The following TTC34 variants were observed in gnomAD, a reference collection of about 807,000 sequenced individuals.
TTC34 encodes tetratricopeptide repeat protein 34.
TTC34 carries 44 observed loss-of-function variants against 40.7 expected under a neutral mutation model. The observed-to-expected ratio is 1.08, with a 90% CI of 0.85 to 1.39. The LOEUF (loss-of-function observed/expected upper bound fraction) is 1.39. Among genes scored for constraint, TTC34 ranks in the 40% most tolerant of loss-of-function variants. The pLI is 0.00. For synonymous variants in TTC34, 422 were observed against 398.6 expected (o/e 1.06, Z -0.70); for missense variants, 884 against 838.0 (o/e 1.05, Z -0.68).
chr1:2,759,428 G>T, intron 6 of TTC34, among the ~76,000 whole-genome samples: 1 of 86,528 alleles, frequency 1.2e-5, no homozygotes, highest in East Asian at 4.2e-4. Flanking sequence ...GCCTGGATCA[G>T]CACCCACACT....
At chr1:2,694,194 GGTGA>G (rs1640756800) in intron 6 of TTC34, among the ~76,000 whole-genome samples, 1 of 141,028 alleles carries the variant, frequency 7.1e-6, no homozygotes, top group Non-Finnish European at 1.6e-5. Flanking sequence ...CACACCCCCA[GGTGA>G]GCATGTGACA....
chr1:2,688,136 G>T (rs1223754848), intron 6 of TTC34, among the ~76,000 whole-genome samples: 577 of 130,606 alleles, frequency 4.4e-3, no homozygotes, highest in African/African-American at 0.011. Context: ...ACCCCCAGGC[G>T]AGCATCTGAC....
intron 6 of TTC34, among the ~76,000 whole-genome samples, chr1:2,675,492 G>A (rs1159255497): frequency 9.0e-6 from 1 of 111,354 alleles, no homozygotes; most frequent in African/African-American, 3.1e-5. Context: ...TCCCAGGTGA[G>A]CATCTGACAG....
chr1:2,776,321 A>G (rs1339712754), intron 6 of TTC34: 2 of 131,094 alleles, frequency 1.5e-5, no homozygotes, highest in Non-Finnish European at 3.1e-5. Flanking sequence ...GAACAAGACC[A>G]CTGCCCCCAG....
intron 6 of TTC34, chr1:2,776,061 C>T (rs1284479338): frequency 1.4e-5 from 2 of 138,058 alleles, no homozygotes; most frequent in Middle Eastern, 3.5e-3. Context: ...GAGCATCTGA[C>T]AGCCTGGAAC....
chr1:2,694,874 A>C (rs1474110317), intron 6 of TTC34, among the ~76,000 whole-genome samples: 50 of 56,432 alleles, frequency 8.9e-4, no homozygotes, highest in Middle Eastern at 0.017. Context: ...ACCCACAACC[A>C]CAGGTGAGCA....
At chr1:2,786,541 C>T (rs761209393) in intron 4 of TTC34, among the ~76,000 whole-genome samples, 5 of 150,838 alleles carry the variant, frequency 3.3e-5, no homozygotes, top group Non-Finnish European at 7.5e-5. Flanking sequence ...GGCTGGGACT[C>T]TCAGGGTTCC....
chr1:2,795,101 A>T (rs1320019929), intron 2 of TTC34, among the ~76,000 whole-genome samples: 3 of 147,532 alleles, frequency 2.0e-5, no homozygotes, highest in African/African-American at 7.4e-5. Flanking sequence ...AAAAAAAAAA[A>T]TTAGCCAGTT....
chr1:2,797,209 C>T (rs1047689420), intron 2 of TTC34, among the ~76,000 whole-genome samples: 1 of 152,160 alleles, frequency 6.6e-6, no homozygotes, highest in African/African-American at 2.4e-5. Flanking sequence ...CATGATTATG[C>T]ACATCAAACC....
chr1:2,792,007 T>TTTTTTG (rs1643668586), intron 2 of TTC34, among the ~76,000 whole-genome samples: 1 of 79,336 alleles, frequency 1.3e-5, no homozygotes, highest in African/African-American at 5.3e-5. Flanking sequence ...TGCCATATGC[T>TTTTTTG]TTTTTTTTTT....
intron 6 of TTC34, among the ~76,000 whole-genome samples, chr1:2,687,114 G>T (rs1640397504): frequency 7.1e-6 from 1 of 139,964 alleles, no homozygotes; most frequent in South Asian, 2.2e-4. Flanking sequence ...TCGTGGAGTA[G>T]CACCCCACAC....
At chr1:2,642,984 G>A (rs1364380575) in intron 8 of TTC34, among the ~76,000 whole-genome samples, 1 of 152,242 alleles carries the variant, frequency 6.6e-6, no homozygotes, top group Non-Finnish European at 1.5e-5. Flanking sequence ...CCCCTCTCCG[G>A]GCGGAGGCAC....
intron 6 of TTC34, among the ~76,000 whole-genome samples, chr1:2,688,521 G>C (rs1372111684): frequency 7.1e-6 from 1 of 140,324 alleles, no homozygotes; most frequent in Admixed American, 7.1e-5. Context: ...GCCTGTAACA[G>C]TACCCACACC....
intron 6 of TTC34, among the ~76,000 whole-genome samples, chr1:2,757,711 C>G (rs1641553247): frequency 1.4e-5 from 2 of 146,856 alleles, no homozygotes; most frequent in Admixed American, 1.3e-4. Flanking sequence ...GCACCCCACA[C>G]CCACAGGTGA....
At chr1:2,769,740 C>A (rs539973058) in intron 6 of TTC34, among the ~76,000 whole-genome samples, 49 of 148,496 alleles carry the variant, frequency 3.3e-4, no homozygotes, top group African/African-American at 1.2e-3. Flanking sequence ...CAGCCTGGAG[C>A]AGCGCCCACA....
exon 9 of TTC34, chr1:2,639,100 C>T (rs1638846463): frequency 6.6e-6 from 1 of 152,246 alleles, no homozygotes; most frequent in Non-Finnish European, 1.5e-5. Context: ...GGTTCCACCC[C>T]TGGTCATCTC....
intron 6 of TTC34, among the ~76,000 whole-genome samples, chr1:2,691,794 G>A (rs1383298855): frequency 2.2e-4 from 20 of 91,816 alleles, no homozygotes; most frequent in Admixed American, 3.5e-4. Context: ...CCCCAGGCGA[G>A]CATCCGACAG....
chr1:2,750,499 T>G (rs1161832649), intron 6 of TTC34, among the ~76,000 whole-genome samples: 2 of 37,204 alleles, frequency 5.4e-5, no homozygotes, highest in Admixed American at 2.5e-4. Context: ...AGTTGAGCAT[T>G]GGACAGCCTG....
exon 9 of TTC34, chr1:2,640,146 G>C (rs1394451509): frequency 6.6e-6 from 1 of 152,396 alleles, no homozygotes; most frequent in East Asian, 1.9e-4. Context: ...GAAGCCAGGA[G>C]GGGGGGTCGT....
Sources: allele counts gnomAD v4.1 joint callset (sites outside exome capture counted in the v4.1 genomes callset), GRCh38; gene constraint gnomAD v4.1.1; transcripts MANE v1.5; gene names NCBI Gene and HGNC (gene_info 2026-07-23, HGNC 2026-07-21).